The following CACNA2D3 variants were observed in gnomAD, a reference collection of about 807,000 sequenced individuals.
CACNA2D3 encodes the protein calcium voltage-gated channel auxiliary subunit alpha2delta 3.
In CACNA2D3, 60 loss-of-function variants were observed where a neutral mutation model predicts 160.6. The ratio of observed to expected loss-of-function variants is 0.37; its 90% confidence interval spans 0.30 to 0.46. The LOEUF is 0.46. CACNA2D3 is among the 20% of genes least tolerant of loss of function. The pLI is 1.00. For missense variants in CACNA2D3, 1,205 were observed against 1,365.0 expected, an observed-to-expected ratio of 0.88 and a Z score of 1.85; for synonymous variants, 558 against 492.9, an observed-to-expected ratio of 1.13 and a Z score of -1.75.
chr3:54,859,250 A>G (rs1376280611), intron 17 of CACNA2D3, among the ~76,000 whole-genome samples: 1 of 152,226 alleles, frequency 6.6e-6, no homozygotes, highest in South Asian at 2.1e-4. Flanking sequence ...TGTTGAGACC[A>G]TGGGCTCTTT....
At chr3:54,171,136 C>CTTTTTTTTTTTTTTGTTTTTTTTT (rs1700558551) in intron 2 of CACNA2D3, among the ~76,000 whole-genome samples, 1 of 62,542 alleles carries the variant, frequency 1.6e-5, no homozygotes, top group African/African-American at 5.5e-5. Flanking sequence ...AAGATGATGA[C>CTTTTTTTTTTTTTTGTTTTTTTTT]TTTTTTTTTT....
chr3:54,602,018 T>C (rs1417371349), intron 9 of CACNA2D3, among the ~76,000 whole-genome samples: 1 of 152,052 alleles, frequency 6.6e-6, no homozygotes, highest in African/African-American at 2.4e-5. Flanking sequence ...TAAACACTGG[T>C]AGGCATTTAT....
intron 35 of CACNA2D3, among the ~76,000 whole-genome samples, chr3:55,022,656 T>A (rs931157944): frequency 7.4e-6 from 1 of 135,454 alleles, no homozygotes; most frequent in African/African-American, 2.6e-5. Flanking sequence ...CCTTCCTCTC[T>A]CTCCTTTTCT....
At chr3:54,813,637 A>T (rs1044779911) in intron 13 of CACNA2D3, among the ~76,000 whole-genome samples, 16 of 152,120 alleles carry the variant, frequency 1.1e-4, no homozygotes, top group African/African-American at 3.9e-4. Context: ...AAGGTAGCTT[A>T]TTTAACAAGG....
chr3:54,890,142 A>G (rs186544259), intron 24 of CACNA2D3, among the ~76,000 whole-genome samples: 22 of 152,356 alleles, frequency 1.4e-4, no homozygotes, highest in African/African-American at 3.6e-4. Context: ...AGTAGCATTT[A>G]GGACAGAGAA....
intron 30 of CACNA2D3, among the ~76,000 whole-genome samples, chr3:54,986,364 G>A (rs767905050): frequency 1.3e-5 from 2 of 152,234 alleles, no homozygotes; most frequent in East Asian, 1.9e-4. Flanking sequence ...CTGACTTCCT[G>A]TGCCCCAATT....
At chr3:55,021,302 G>C (rs944957090) in intron 35 of CACNA2D3, among the ~76,000 whole-genome samples, 1 of 151,948 alleles carries the variant, frequency 6.6e-6, no homozygotes, top group Non-Finnish European at 1.5e-5. Flanking sequence ...ATTGTTGATA[G>C]TGTTTTCTTT....
At position 54,837,224 on chromosome 3, in the gene CACNA2D3, C is replaced by G. The variant is rs756763797; in HGVS notation, c.1464C>G (p.Asn488Lys). ...CCATGCCTGTGTTTAGTAAGCAGAA[C>G]GAAACCGTGAGTACAGTCGCTGAGC... ...TVAMPVFSKQ[N>K]ETRSKGILLG... The change falls in exon 15 of 38, where the codon AAC becomes AAG. Residue 488 changes from asparagine (N) to lysine (K), a missense_variant. Asn to Lys is a moderately conservative substitution (Grantham distance 94). Transcript: ENST00000474759. 26 of 1,613,678 alleles carry G rather than the reference C, an allele frequency of 1.6e-5. No homozygotes were observed. The highest frequency in any genetic ancestry group is 2.0e-5 in the Non-Finnish European group (24 of 1,179,726).
chr3:54,140,014 T>G (rs1450991439), intron 2 of CACNA2D3, among the ~76,000 whole-genome samples: 2 of 152,350 alleles, frequency 1.3e-5, no homozygotes, highest in South Asian at 2.1e-4. Context: ...GTTTCTCAGC[T>G]TCTCTACTTC....
intron 11 of CACNA2D3, among the ~76,000 whole-genome samples, chr3:54,692,419 T>G (rs1700587705): frequency 6.6e-6 from 1 of 152,214 alleles, no homozygotes; most frequent in Non-Finnish European, 1.5e-5. Context: ...GTCCACCACA[T>G]TTCTGGATGC....
At chr3:54,805,750 A>T (rs1323925195) in intron 13 of CACNA2D3, among the ~76,000 whole-genome samples, 1 of 152,232 alleles carries the variant, frequency 6.6e-6, no homozygotes, top group Non-Finnish European at 1.5e-5. Flanking sequence ...ACACAACCAA[A>T]AAAGAGAATT....
At chr3:54,138,135 G>T (rs981952858) in intron 2 of CACNA2D3, among the ~76,000 whole-genome samples, 1 of 152,218 alleles carries the variant, frequency 6.6e-6, no homozygotes, top group Non-Finnish European at 1.5e-5. Flanking sequence ...GACTTGCCCA[G>T]GGCAACACAG....
chr3:54,984,704 G>C (rs1181084965), intron 30 of CACNA2D3, 34 bp downstream of exon 30: 21 of 1,383,800 alleles, frequency 1.5e-5, no homozygotes, highest in Non-Finnish European at 2.1e-5. Context: ...TCCAAGTAAG[G>C]ATCTCAGAAT....
At position 54,123,571 on chromosome 3, in the gene CACNA2D3, T is replaced by G; in HGVS notation, c.181T>G (p.Ser61Ala). 1 of 1,613,824 alleles carries G rather than the reference T, an allele frequency of 6.2e-7. No individual in the cohort carries two copies. The highest frequency in any genetic ancestry group is 8.5e-7 in the Non-Finnish European group (1 of 1,179,794). The change falls in exon 2 of 38, where the codon TCC becomes GCC. Residue 61 changes from serine to alanine, a missense_variant. Physicochemically the swap from Ser to Ala is moderately conservative, Grantham distance 99. Around this residue, in one of 3 missense-constraint regions of CACNA2D3, gnomAD observed 163 missense variants for 161.3 expected, o/e 1.01. Transcript: ENST00000474759. Reference sequence around the variant, plus strand: ...GATAAAATCCATTGCTGCTAAGTACTCCGGTTCCCAGCTTCTGCAAAAGGT... The same window carrying G: ...GATAAAATCCATTGCTGCTAAGTACGCCGGTTCCCAGCTTCTGCAAAAGGT... ...GEIKSIAAKYSGSQLLQKKYK... is the reference protein window; with the variant it reads ...GEIKSIAAKYAGSQLLQKKYK...
At chr3:54,930,727 C>T (rs779736232) in intron 27 of CACNA2D3, among the ~76,000 whole-genome samples, 2 of 152,204 alleles carry the variant, frequency 1.3e-5, no homozygotes, top group Non-Finnish European at 2.9e-5. Context: ...GTAGATAATA[C>T]CTACCTCGCC....
chr3:54,825,180 C>G (rs1414620052), intron 14 of CACNA2D3, among the ~76,000 whole-genome samples: 2 of 152,170 alleles, frequency 1.3e-5, no homozygotes, highest in Non-Finnish European at 1.5e-5. Context: ...AAGGAAACAT[C>G]TGAGTAAAAA....
At chr3:54,475,026 C>T (rs1700804412) in intron 4 of CACNA2D3, among the ~76,000 whole-genome samples, 1 of 152,138 alleles carries the variant, frequency 6.6e-6, no homozygotes, top group Non-Finnish European at 1.5e-5. Flanking sequence ...AAACTTTTCA[C>T]CCTGACTGAG....
chr3:54,661,372 CA>C (rs1699967156), intron 11 of CACNA2D3, among the ~76,000 whole-genome samples: 1 of 152,122 alleles, frequency 6.6e-6, no homozygotes, highest in Non-Finnish European at 1.5e-5. Context: ...GGGACAGAAA[CA>C]AAAACTAACG....
intron 2 of CACNA2D3, among the ~76,000 whole-genome samples, chr3:54,240,011 A>G (rs1379721453): frequency 6.6e-6 from 1 of 152,248 alleles, no homozygotes; most frequent in Non-Finnish European, 1.5e-5. Flanking sequence ...ATTTCAGGCC[A>G]GGAATAAAGT....
Sources: allele counts gnomAD v4.1 joint callset (sites outside exome capture counted in the v4.1 genomes callset), GRCh38; gene constraint gnomAD v4.1.1; regional missense constraint gnomAD v4.1.1; transcripts MANE v1.5; gene names NCBI Gene and HGNC (gene_info 2026-07-23, HGNC 2026-07-21).